FAM193A: variants seen among roughly 807,000 people sequenced by gnomAD.
FAM193A encodes protein FAM193A.
Under a neutral mutation model 126.5 loss-of-function variants are expected in FAM193A, and 22 were observed. The observed-to-expected ratio is 0.17, with a 90% confidence interval of 0.12 to 0.25. The LOEUF (loss-of-function observed/expected upper bound fraction) is 0.25. Ranked by LOEUF, FAM193A falls within the 10% of genes least tolerant of loss-of-function variation. The pLI is 1.00. For missense variants in FAM193A, 1,675 were observed against 1,672.8 expected, an observed-to-expected ratio of 1.00 and a Z score of -0.02; for synonymous variants, 761 against 646.8, an observed-to-expected ratio of 1.18 and a Z score of -2.68.
chr4:2,647,809 CT>C (rs1252030952), intron 7 of FAM193A, among the ~76,000 whole-genome samples: 2 of 152,208 alleles, frequency 1.3e-5, no homozygotes, highest in Non-Finnish European at 2.9e-5. Context: ...CTGAGTTTCT[CT>C]TTTGCACTTC....
At chr4:2,697,206 G>A (rs1489146693) in intron 18 of FAM193A, among the ~76,000 whole-genome samples, 2 of 152,096 alleles carry the variant, frequency 1.3e-5, no homozygotes, top group South Asian at 2.1e-4. Context: ...TACAAAAAAC[G>A]TTAGCCAGTC....
intron 20 of FAM193A, among the ~76,000 whole-genome samples, chr4:2,717,515 G>A (rs1719672961): frequency 6.7e-6 from 1 of 150,264 alleles, no homozygotes; most frequent in African/African-American, 2.4e-5. Context: ...AGAATTGCTT[G>A]AACCTGGGAG....
intron 2 of FAM193A, among the ~76,000 whole-genome samples, chr4:2,610,010 T>TC (rs1741769799): frequency 6.6e-6 from 1 of 150,612 alleles, no homozygotes; most frequent in African/African-American, 2.5e-5. Context: ...GGCAGATGGG[T>TC]CACCTGAGGT....
At chr4:2,685,668 A>T (rs577827266) in intron 13 of FAM193A, among the ~76,000 whole-genome samples, 4 of 152,224 alleles carry the variant, frequency 2.6e-5, no homozygotes, top group South Asian at 4.1e-4. Context: ...TTTTGCTCGG[A>T]TGCTTAGTGT....
chr4:2,571,149 A>G (rs964127338), intron 1 of FAM193A, among the ~76,000 whole-genome samples: 4 of 152,100 alleles, frequency 2.6e-5, no homozygotes, highest in Non-Finnish European at 4.4e-5. Flanking sequence ...GCAGCTTCCA[A>G]TGATGTATTA....
chr4:2,536,245 G>A (rs1486552789), upstream of FAM193A, among the ~76,000 whole-genome samples: 2 of 151,652 alleles, frequency 1.3e-5, no homozygotes, highest in East Asian at 3.9e-4. Context: ...TGCCTCGCGG[G>A]CGGCGGCGCG....
intron 3 of FAM193A, 38 bp from the exon 4 acceptor site, chr4:2,626,372 T>C (rs1742965070): frequency 1.5e-6 from 1 of 683,620 alleles, no homozygotes; most frequent in Non-Finnish European, 2.7e-6. Flanking sequence ...GGGCAGCAGA[T>C]TGTGGTGACT....
rs532778621 is a variant in FAM193A at position 2,662,820 on chromosome 4, C to T, written c.1746-18C>T. 1.3e-6 allele frequency: 2 copies of T among 1,596,628 alleles called. No homozygotes were observed. Among genetic ancestry groups the T allele is most frequent in the African/African-American group, 1.3e-5 (1 of 74,750 alleles). On this transcript the variant is annotated intron_variant, in intron 10 of 20. Transcript: ENST00000637812. ...CACAATTGAATGACCTCACAGTGAC[C>T]ATCTCTGCTTGTGTCAGTTGTAGTG...
intron 1 of FAM193A, among the ~76,000 whole-genome samples, chr4:2,551,974 G>C (rs1737947757): frequency 6.6e-6 from 1 of 151,112 alleles, no homozygotes; most frequent in Non-Finnish European, 1.5e-5. Flanking sequence ...CTGAGCGGCT[G>C]GGACTACAGG....
At chr4:2,676,914 T>C (rs1714476607) in intron 13 of FAM193A, among the ~76,000 whole-genome samples, 1 of 152,030 alleles carries the variant, frequency 6.6e-6, no homozygotes, top group African/African-American at 2.4e-5. Flanking sequence ...GCACTCCAGC[T>C]TGGGCGACAG....
chr4:2,603,269 C>T (rs530657212), intron 2 of FAM193A, among the ~76,000 whole-genome samples: 24 of 130,300 alleles, frequency 1.8e-4, no homozygotes, highest in Non-Finnish European at 3.3e-4. Context: ...TAGGTGTGAG[C>T]CACCGCGCCT....
chr4:2,603,419 G>A (rs1741332293), intron 2 of FAM193A, among the ~76,000 whole-genome samples: 1 of 150,998 alleles, frequency 6.6e-6, no homozygotes, highest in African/African-American at 2.4e-5. Flanking sequence ...CTAGTAGCTG[G>A]GATTACAGGT....
Position 2,582,479 on chromosome 4 carries a change from CTT to C in FAM193A, c.256-13603_256-13602del, listed in dbSNP as rs869033767. Among the ~76,000 whole-genome samples, 29 of 152,062 alleles carry C rather than the reference CTT, an allele frequency of 1.9e-4. 1 individual carries two copies. The highest frequency in any genetic ancestry group is 3.9e-4 in the East Asian group (2 of 5,176). The stretch of plus-strand genomic sequence containing the variant: ...TTCCTTCTCCTTCCCTCCTCTCTCT[CTT>C]TCTTTCTTATTTTCATAGTCTTAGT... On this transcript the variant is annotated intron_variant, in intron 1 of 20. Transcript: ENST00000637812.
chr4:2,631,181 A>C lies in FAM193A; in HGVS notation c.1038+12A>C, dbSNP rs761584276. On this transcript the variant is annotated intron_variant, in intron 5 of 20. Transcript: ENST00000637812. Reference sequence around the variant, plus strand: ...TCCTTGGCACTCTGGTAAGAGAGAAAACGTGTTTTTCTTTCTGTTTGGATG... The same window carrying C: ...TCCTTGGCACTCTGGTAAGAGAGAACACGTGTTTTTCTTTCTGTTTGGATG... The C allele has an allele frequency of 1.3e-6, 2 of 1,590,454 alleles. No homozygotes were observed. The highest frequency in any genetic ancestry group is 1.7e-6 in the Non-Finnish European group (2 of 1,166,096).
chr4:2,563,021 T>G (rs1378404952), intron 1 of FAM193A, among the ~76,000 whole-genome samples: 4 of 151,664 alleles, frequency 2.6e-5, no homozygotes, highest in African/African-American at 9.7e-5. Context: ...CTTAGCTCAC[T>G]GCAACCTCTG....
rs190806871 is a variant in FAM193A at position 2,619,047 on chromosome 4, G to A, written c.502-6215G>A. On this transcript the variant is annotated intron_variant, in intron 2 of 20. Transcript: ENST00000637812. Reference sequence around the variant, plus strand: ...GCGTCTGGGCTGGATTATTTTTATTGCCTGTGTTCAGGTTTATTGGTATTC... The same window carrying A: ...GCGTCTGGGCTGGATTATTTTTATTACCTGTGTTCAGGTTTATTGGTATTC... Among the ~76,000 whole-genome samples the A allele has an allele frequency of 2.0e-5, 3 of 152,158 alleles. No individual in the cohort carries two copies. In the East Asian group the frequency reaches 5.8e-4, roughly 29 times the overall value.
chr4:2,543,487 A>G (rs954173878), intron 1 of FAM193A, among the ~76,000 whole-genome samples: 3 of 151,992 alleles, frequency 2.0e-5, no homozygotes, highest in Middle Eastern at 3.2e-3. Context: ...ACTTGAGTCC[A>G]GGAGTTTGAG....
chr4:2,725,060 G>A (rs974000998), intron 20 of FAM193A, among the ~76,000 whole-genome samples: 2 of 151,902 alleles, frequency 1.3e-5, no homozygotes, highest in Admixed American at 6.6e-5. Context: ...TGTGTTTTTA[G>A]TAGAGACAGA....
At chr4:2,649,716 G>A (rs879246974) in intron 7 of FAM193A, among the ~76,000 whole-genome samples, 7 of 152,180 alleles carry the variant, frequency 4.6e-5, no homozygotes, top group Admixed American at 2.0e-4. Context: ...AATAGTCCCT[G>A]TGTTGGTATT....
Sources: gnomAD v4.1 joint callset for allele counts (sites outside exome capture counted in the v4.1 genomes callset) on GRCh38, gnomAD v4.1.1 for gene constraint, MANE v1.5 for transcripts, NCBI Gene and HGNC (gene_info 2026-07-23, HGNC 2026-07-21) for gene names.